KCNMB2: variants seen among roughly 807,000 people sequenced by gnomAD.
KCNMB2 encodes the protein calcium-activated potassium channel subunit beta-2.
A neutral mutation model predicts 24.5 loss-of-function variants in KCNMB2; 9 were observed. The ratio of observed to expected loss-of-function variants is 0.37; its 90% CI spans 0.22 to 0.64. The LOEUF (loss-of-function observed/expected upper bound fraction) is 0.64. Ranked by LOEUF, KCNMB2 falls within the 30% of genes least tolerant of loss-of-function variation. The pLI is 0.63. For missense variants in KCNMB2, 226 were observed against 284.3 expected (o/e 0.79, Z 1.47); for synonymous variants, 109 against 104.4 (o/e 1.04, Z -0.27).
chr3:178,764,314 T>C (rs1712029532), intron 1 of KCNMB2, among the ~76,000 whole-genome samples: 1 of 152,198 alleles, frequency 6.6e-6, no homozygotes, highest in South Asian at 2.1e-4. Flanking sequence ...ATTACATTCA[T>C]GCACCTCTTT....
chr3:178,577,089 T>C (rs1210533895), intron 1 of KCNMB2, among the ~76,000 whole-genome samples: 2 of 152,034 alleles, frequency 1.3e-5, no homozygotes, highest in Non-Finnish European at 2.9e-5. Flanking sequence ...ACAAATGAGG[T>C]GTCAACAGGC....
chr3:178,632,503 G>C (rs745453546), intron 1 of KCNMB2, among the ~76,000 whole-genome samples: 4 of 152,134 alleles, frequency 2.6e-5, no homozygotes, highest in Non-Finnish European at 5.9e-5. Context: ...CTGAGAAAAA[G>C]GGGAAATGCC....
chr3:178,580,106 T>G (rs1717144128), intron 1 of KCNMB2, among the ~76,000 whole-genome samples: 1 of 152,082 alleles, frequency 6.6e-6, no homozygotes, highest in Non-Finnish European at 1.5e-5. Flanking sequence ...TGATGAACAT[T>G]GATGTGAAAA....
At chr3:178,741,601 T>C (rs1295235770) in intron 1 of KCNMB2, among the ~76,000 whole-genome samples, 1 of 152,134 alleles carries the variant, frequency 6.6e-6, no homozygotes, top group Non-Finnish European at 1.5e-5. Context: ...TCCTGTAGGC[T>C]GGGGTTAAAA....
At chr3:178,718,539 C>T (rs1722693817) in intron 1 of KCNMB2, among the ~76,000 whole-genome samples, 1 of 152,208 alleles carries the variant, frequency 6.6e-6, no homozygotes, top group African/African-American at 2.4e-5. Flanking sequence ...CAGTATGGCA[C>T]TAAATGACAG....
intron 1 of KCNMB2, among the ~76,000 whole-genome samples, chr3:178,630,172 C>T (rs577055778): frequency 5.3e-5 from 8 of 152,250 alleles, no homozygotes; most frequent in African/African-American, 1.7e-4. Flanking sequence ...TACAGTTGAG[C>T]CATTTCTGTT....
rs10677144 is a variant in KCNMB2, at chr3:178,586,538, C to CTTTTTTTTT, written c.-68+49844_-68+49852dup. Among the ~76,000 whole-genome samples, 63 of 68,500 alleles carry CTTTTTTTTT rather than the reference C, an allele frequency of 9.2e-4. 1 individual carries two copies. The highest frequency in any genetic ancestry group is 2.1e-3 in the African/African-American group (37 of 17,662). The allele number at this position is 68,500 out of a possible 152,430, so 44.9% of individuals were successfully genotyped here. A position where few individuals can be genotyped will look rare whatever the true frequency, so the allele number is the denominator to read the frequency against. On this transcript the variant is annotated intron_variant, in intron 1 of 4. Transcript: ENST00000452583. ...ATTTTCTTTTCTTTTTTTTTTCTTT[C>CTTTTTTTTT]TTTTTTTTTTTTTTTTTTTTTTTTT...
chr3:178,626,968 C>G (rs941876685), intron 1 of KCNMB2, among the ~76,000 whole-genome samples: 2 of 150,446 alleles, frequency 1.3e-5, no homozygotes, highest in Admixed American at 6.6e-5. Flanking sequence ...TTAACTATAA[C>G]AATGTTAACT....
intron 1 of KCNMB2, among the ~76,000 whole-genome samples, chr3:178,794,625 A>G (rs1713461231): frequency 6.6e-6 from 1 of 152,218 alleles, no homozygotes; most frequent in Non-Finnish European, 1.5e-5. Context: ...AGAATCAAAA[A>G]ATGACGATTA....
intron 1 of KCNMB2, among the ~76,000 whole-genome samples, chr3:178,786,796 C>T (rs1477525298): frequency 6.8e-6 from 1 of 147,526 alleles, no homozygotes; most frequent in Non-Finnish European, 1.5e-5. Context: ...TAATATGACT[C>T]ACCTAAAGCC....
intron 1 of KCNMB2, among the ~76,000 whole-genome samples, chr3:178,759,251 C>CTA (rs1295345680): frequency 8.7e-6 from 1 of 115,282 alleles, no homozygotes; most frequent in Non-Finnish European, 1.8e-5. Flanking sequence ...ATATATATAT[C>CTA]TCTCCAAGAA....
chr3:178,824,871 T>C (rs1386316118), intron 2 of KCNMB2, among the ~76,000 whole-genome samples: 2 of 152,202 alleles, frequency 1.3e-5, no homozygotes, highest in Admixed American at 1.3e-4. Flanking sequence ...TTCTTGTTCT[T>C]TCTTACCCTA....
chr3:178,604,968 G>A (rs1213598099), intron 1 of KCNMB2, among the ~76,000 whole-genome samples: 2 of 152,130 alleles, frequency 1.3e-5, no homozygotes, highest in African/African-American at 4.8e-5. Context: ...TCATAAAACT[G>A]ATGAAAGCTT....
chr3:178,831,364 T>C (rs1027757217), intron 4 of KCNMB2, among the ~76,000 whole-genome samples: 8 of 152,190 alleles, frequency 5.3e-5, no homozygotes, highest in African/African-American at 1.9e-4. Context: ...AAAGCAGAAC[T>C]ATCATTCATC....
At chr3:178,649,797 A>T (rs1050370939) in intron 1 of KCNMB2, among the ~76,000 whole-genome samples, 1 of 143,904 alleles carries the variant, frequency 6.9e-6, no homozygotes, top group Admixed American at 7.1e-5. Flanking sequence ...TATTTTGTTA[A>T]TCATTTAAAA....
At chr3:178,638,267 G>A (rs1719599834) in intron 1 of KCNMB2, among the ~76,000 whole-genome samples, 2 of 152,098 alleles carry the variant, frequency 1.3e-5, no homozygotes, top group Admixed American at 6.6e-5. Flanking sequence ...AAACTCCCCA[G>A]ACTGTTTTTT....
chr3:178,567,356 T>C (rs1409918457), intron 1 of KCNMB2, among the ~76,000 whole-genome samples: 1 of 152,070 alleles, frequency 6.6e-6, no homozygotes, highest in African/African-American at 2.4e-5. Context: ...GAGCAACAAA[T>C]AGAAATGTCT....
intron 1 of KCNMB2, among the ~76,000 whole-genome samples, chr3:178,756,577 T>C (rs553522763): frequency 2.0e-5 from 3 of 152,268 alleles, no homozygotes; most frequent in Admixed American, 6.5e-5. Context: ...GTAAAATGAA[T>C]ATAAATTTCT....
chr3:178,771,987 T>C (rs1237628121), intron 1 of KCNMB2, among the ~76,000 whole-genome samples: 1 of 152,112 alleles, frequency 6.6e-6, no homozygotes, highest in Non-Finnish European at 1.5e-5. Context: ...ACCTACTCAC[T>C]CCATAGCTAA....
Sources: allele counts gnomAD v4.1 joint callset (sites outside exome capture counted in the v4.1 genomes callset), GRCh38; gene constraint gnomAD v4.1.1; transcripts MANE v1.5; gene names NCBI Gene and HGNC (gene_info 2026-07-23, HGNC 2026-07-21).